The following DDX59 variants were observed in gnomAD, a reference collection of about 807,000 sequenced individuals.
DDX59 encodes probable ATP-dependent RNA helicase DDX59.
A neutral mutation model predicts 51.9 loss-of-function variants in DDX59; 30 were observed. That is an observed-to-expected ratio of 0.58 (90% CI 0.43 to 0.78). DDX59 has a LOEUF of 0.78. Ranked by LOEUF, DDX59 falls within the 30% of genes least tolerant of loss-of-function variation. The pLI, the probability that DDX59 is intolerant of heterozygous loss-of-function variation, is 0.00. For synonymous variants in DDX59, 255 were observed against 253.3 expected (o/e 1.01, Z -0.06); for missense variants, 672 against 730.8 (o/e 0.92, Z 0.93).
chr1:200,666,140 G>T lies in DDX59; in HGVS notation c.601C>A (p.Pro201Thr). ...ILVQGQEVTR[P>T]IIDFEHCSLP... ...CTACAATGTTCAAAGTCAATAATGG[G>T]CCTGGTGACTTCTTGCCCTTGAACT... The change falls in exon 2 of 8, where the codon CCC (proline) becomes ACC (threonine). Residue 201 changes from proline to threonine, a missense_variant. Pro to Thr is a conservative substitution (Grantham distance 38). Transcript: ENST00000331314. The T allele has an allele frequency of 6.2e-7, 1 of 1,614,138 alleles. No homozygotes were observed. The highest frequency in any genetic ancestry group is 1.7e-5 in the Admixed American group (1 of 60,018).
At chr1:200,665,311 G>A (rs1051809239) in intron 2 of DDX59, among the ~76,000 whole-genome samples, 1 of 151,694 alleles carries the variant, frequency 6.6e-6, no homozygotes, top group Non-Finnish European at 1.5e-5. Flanking sequence ...CAAAATTAGC[G>A]AGGCATGGTG....
intron 4 of DDX59, among the ~76,000 whole-genome samples, chr1:200,658,574 T>C (rs768837007): frequency 1.3e-5 from 2 of 152,136 alleles, no homozygotes; most frequent in Non-Finnish European, 2.9e-5. Flanking sequence ...TGTGTGCCTG[T>C]AGTCCCAGCT....
intron 4 of DDX59, among the ~76,000 whole-genome samples, chr1:200,657,113 G>C (rs1210805092): frequency 2.0e-5 from 3 of 151,998 alleles, no homozygotes; most frequent in Non-Finnish European, 4.4e-5. Flanking sequence ...AGCCAGGCTT[G>C]GTGGCACATG....
downstream of DDX59, among the ~76,000 whole-genome samples, chr1:200,641,657 T>C (rs1370831081): frequency 6.7e-6 from 1 of 148,642 alleles, no homozygotes; most frequent in Non-Finnish European, 1.5e-5. Flanking sequence ...TCACCTGAGG[T>C]CCAGAGTTTG....
chr1:200,644,632 AC>A, intron 7 of DDX59, 115 bp from the exon 8 acceptor site: 1 of 1,283,882 alleles, frequency 7.8e-7, no homozygotes, highest in South Asian at 1.6e-5. Context: ...GCAGTGGCTC[AC>A]GCCTGTAACC....
chr1:200,666,299 GTT>G lies in DDX59; in HGVS notation c.440_441del (p.Lys147ThrfsTer8). 2 of 1,614,204 alleles carry G rather than the reference GTT, an allele frequency of 1.2e-6. No homozygotes were observed. Among genetic ancestry groups the G allele is most frequent in the Non-Finnish European group, 1.7e-6 (2 of 1,180,028 alleles). On this transcript the variant is annotated frameshift_variant, in exon 2 of 8. Coordinates refer to ENST00000331314, the MANE Select transcript of DDX59 (RefSeq NM_001031725.6). LOFTEE classifies it high-confidence loss of function. ...GAATCAGCCTTCTGTGGATTGCTGA[GTT>G]TTGATTTCTCTTCCTTTTCCTTAAC... is the stretch of plus-strand genomic sequence containing the variant. ...LQVKEKEEKSKLSNPQKADSE... is the reference protein window; with the variant it reads ...LQVKEKEEKSXLSNPQKADSE...
rs187927259 is a variant in DDX59, at chr1:200,653,243, T to G, written c.1063-2567A>C. On this transcript the variant is annotated intron_variant, in intron 4 of 7. Coordinates refer to ENST00000331314, the MANE Select transcript of DDX59 (RefSeq NM_001031725.6). ...GTAGAAACTATCTGCCGACTTAACA[T>G]CTCCACTTGGTTCCAACAGGCCCCT... Among the ~76,000 whole-genome samples, 114 of 152,290 alleles carry G rather than the reference T, an allele frequency of 7.5e-4. No homozygotes were observed. The East Asian group carries it at 0.014, about 19-fold the overall frequency.
chr1:200,642,123 C>A (rs1452284374), downstream of DDX59, among the ~76,000 whole-genome samples: 1 of 152,146 alleles, frequency 6.6e-6, no homozygotes, highest in Non-Finnish European at 1.5e-5. Flanking sequence ...AAAGCCACCC[C>A]TTAAGGTGTT....
At chr1:200,664,228 TGCA>T (rs1338440376) in intron 2 of DDX59, 142 bp from the exon 3 acceptor site, 1 of 817,138 alleles carries the variant, frequency 1.2e-6, no homozygotes, top group Non-Finnish European at 1.8e-6. Flanking sequence ...TTCTGCTTAC[TGCA>T]GACTTTTTTC....
chr1:200,641,128 CCT>C (rs1337264891), downstream of DDX59: 12 of 1,286,274 alleles, frequency 9.3e-6, no homozygotes, highest in African/African-American at 1.1e-4. Flanking sequence ...TGACACGTTA[CCT>C]CTTGTACCAT....
intron 1 of DDX59, among the ~76,000 whole-genome samples, chr1:200,668,244 C>T (rs1662914886): frequency 6.6e-6 from 1 of 151,584 alleles, no homozygotes; most frequent in Admixed American, 6.6e-5. Context: ...GGAAGCGGAG[C>T]TTGCAGTGAG....
intron 5 of DDX59, 135 bp from the exon 6 acceptor site, chr1:200,649,361 G>T: frequency 1.2e-6 from 1 of 829,726 alleles, no homozygotes; most frequent in Non-Finnish European, 1.8e-6. Context: ...GGGCGCGGTG[G>T]CTCACACCTG....
At chr1:200,668,541 T>C (rs908511873) in intron 1 of DDX59, among the ~76,000 whole-genome samples, 1 of 152,184 alleles carries the variant, frequency 6.6e-6, no homozygotes, top group Non-Finnish European at 1.5e-5. Context: ...GTGACTTACT[T>C]TCCAATCTGA....
At chr1:200,664,508 A>G (rs1429900683) in intron 2 of DDX59, among the ~76,000 whole-genome samples, 1 of 152,152 alleles carries the variant, frequency 6.6e-6, no homozygotes, top group Non-Finnish European at 1.5e-5. Flanking sequence ...CTTTGTCCAT[A>G]TAACTTACAT....
chr1:200,650,974 C>T (rs1343592987), intron 4 of DDX59, among the ~76,000 whole-genome samples: 1 of 151,948 alleles, frequency 6.6e-6, no homozygotes, highest in Non-Finnish European at 1.5e-5. Context: ...ATCCATATGA[C>T]ACTATGCTGT....
At chr1:200,661,896 G>A (rs774421112) in intron 3 of DDX59, among the ~76,000 whole-genome samples, 2 of 152,116 alleles carry the variant, frequency 1.3e-5, no homozygotes, top group Non-Finnish European at 2.9e-5. Flanking sequence ...TGGATCATGG[G>A]GGCTATTTCT....
In DDX59 at chr1:200,644,519, T is replaced by C; in HGVS notation, c.1597-2A>G. 6.4e-7 allele frequency: 1 copy of C among 1,555,936 alleles called. No individual in the cohort carries two copies. The highest frequency in any genetic ancestry group is 8.7e-7 in the Non-Finnish European group (1 of 1,153,818). On this transcript the variant is annotated splice_acceptor_variant, in intron 7 of 7. Transcript: ENST00000331314. LOFTEE classifies it high-confidence loss of function. ...ACCTAATCTTCCTACTCTTCCAATC[T>C]GAAATAAAATGCAAAGAACATTTTC...
intron 4 of DDX59, chr1:200,654,616 C>G (rs1661896174): frequency 6.6e-6 from 1 of 152,046 alleles, no homozygotes; most frequent in Admixed American, 6.6e-5. Context: ...ATGCACAGTT[C>G]AACAGAGCAG....
intron 1 of DDX59, among the ~76,000 whole-genome samples, chr1:200,668,654 C>T (rs1165698626): frequency 6.6e-6 from 1 of 152,208 alleles, no homozygotes; most frequent in Non-Finnish European, 1.5e-5. Flanking sequence ...GAAAAATCTG[C>T]ATTTGGTGAG....
Sources: gnomAD v4.1 joint callset for allele counts (sites outside exome capture counted in the v4.1 genomes callset) on GRCh38, gnomAD v4.1.1 for gene constraint, MANE v1.5 for transcripts, NCBI Gene and HGNC (gene_info 2026-07-23, HGNC 2026-07-21) for gene names.